TIGIT: variants seen among roughly 807,000 people sequenced by gnomAD.
The protein encoded by TIGIT is T-cell immunoreceptor with Ig and ITIM domains.
In TIGIT, 11 loss-of-function variants were observed where a neutral mutation model predicts 19.6. The ratio of observed to expected loss-of-function variants is 0.56; its 90% CI spans 0.35 to 0.93. The LOEUF (loss-of-function observed/expected upper bound fraction) is 0.93. Among genes scored for constraint, TIGIT ranks in the 40% least tolerant of loss-of-function variants. The pLI is 0.01. For synonymous variants in TIGIT, 130 were observed against 125.5 expected (o/e 1.04, Z -0.24); for missense variants, 295 against 303.9 (o/e 0.97, Z 0.22).
At chr3:114,296,597 C>G (rs995619820) in intron 2 of TIGIT, among the ~76,000 whole-genome samples, 1 of 152,170 alleles carries the variant, frequency 6.6e-6, no homozygotes, top group Non-Finnish European at 1.5e-5. Flanking sequence ...GGATTAAATT[C>G]CCTACTACAA....
chr3:114,295,671 A>G lies in TIGIT; in HGVS notation c.188A>G (p.Asp63Gly), dbSNP rs1490761203. ...ACCCAGGTCAACTGGGAGCAGCAGG[A>G]CCAGCTTCTGGCCATTTGTAATGCT... is the stretch of plus-strand genomic sequence containing the variant. ...QVTQVNWEQQ[D>G]QLLAICNADL... The change falls in exon 2 of 4, where the codon GAC (aspartate) becomes GGC (glycine). Residue 63 changes from aspartate (D) to glycine (G), a missense_variant. Transcript: ENST00000383671. 5 of 1,614,206 alleles carry G rather than the reference A, an allele frequency of 3.1e-6. No homozygotes were observed.
In TIGIT at chr3:114,299,616, G is replaced by C. The variant is rs1219504964; in HGVS notation, c.411G>C (p.Arg137Ser). Residue 137 changes from arginine (R) to serine (S), a missense_variant, in exon 3 of 4, where the codon AGG (arginine) becomes AGC (serine). Physicochemically the swap from Arg to Ser is moderately radical, Grantham distance 110. Coordinates refer to ENST00000383671, the MANE Select transcript of TIGIT (RefSeq NM_173799.4). ...CTCTAGTGGCTGAGCACGGTGCCAGGTTCCAGATTCCATTGCTTGGAGCCA... is the reference window on the plus strand; with the variant it reads ...CTCTAGTGGCTGAGCACGGTGCCAGCTTCCAGATTCCATTGCTTGGAGCCA... ...LESSVAEHGA[R>S]FQIPLLGAMA... is the part of the protein sequence containing the mutation. 4.3e-6 allele frequency: 7 copies of C among 1,613,242 alleles called. No homozygotes were observed. In the East Asian group the frequency reaches 6.7e-5, roughly 15 times the overall value.
intron 2 of TIGIT, 78 bp from the exon 3 acceptor site, chr3:114,299,519 G>C: frequency 8.8e-7 from 1 of 1,130,092 alleles, no homozygotes; most frequent in Non-Finnish European, 1.3e-6. Context: ...CCTCTCTGCC[G>C]TGAAGCTCAG....
Position 114,307,750 on chromosome 3 carries a change from A to T in TIGIT, c.499-145A>T, listed in dbSNP as rs551474490. ...AATCTAGCTGTAACGCGGTTGAGAA[A>T]TTAAGGGCTAAGGAATTGGTGTTGG... On this transcript the variant is annotated intron_variant, in intron 3 of 3. Coordinates refer to ENST00000383671, the MANE Select transcript of TIGIT (RefSeq NM_173799.4). 1.2e-5 allele frequency: 9 copies of T among 742,644 alleles called. No homozygotes were observed. In the African/African-American group the frequency reaches 1.4e-4, roughly 12 times the overall value. 46.0% of individuals were successfully genotyped at this position (742,644 alleles called of 1,614,324 possible).
At chr3:114,298,274 C>A (rs2078467983) in intron 2 of TIGIT, among the ~76,000 whole-genome samples, 1 of 152,170 alleles carries the variant, frequency 6.6e-6, no homozygotes, top group Non-Finnish European at 1.5e-5. Context: ...TTATTTCAAA[C>A]CAAAAATTCC....
Position 114,307,985 on chromosome 3 carries a change from C to G in TIGIT, c.589C>G (p.Pro197Ala), listed in dbSNP as rs1357508515. The change falls in exon 4 of 4, where the codon CCA becomes GCA. Residue 197 changes from proline to alanine, a missense_variant. Coordinates refer to ENST00000383671, the MANE Select transcript of TIGIT (RefSeq NM_173799.4). ...EEWSPSAPSP[P>A]GSCVQAEAAP... is the part of the protein sequence containing the mutation. ...ATGGAGCCCCAGTGCTCCCTCACCC[C>G]CAGGAAGCTGTGTCCAGGCAGAAGC... 12 of 1,614,052 alleles carry G rather than the reference C, an allele frequency of 7.4e-6. No homozygotes were observed. In the Middle Eastern group the frequency reaches 9.9e-4, roughly 133 times the overall value.
intron 2 of TIGIT, 84 bp downstream of exon 2, chr3:114,295,958 T>C: frequency 8.8e-7 from 1 of 1,142,000 alleles, no homozygotes; most frequent in Non-Finnish European, 1.2e-6. Flanking sequence ...CAGCAGGGCT[T>C]CTCAATTCGG....
intron 2 of TIGIT, 42 bp downstream of exon 2, chr3:114,295,916 T>C (rs368076649): frequency 6.7e-7 from 1 of 1,493,788 alleles, no homozygotes; most frequent in African/African-American, 1.4e-5. Flanking sequence ...CCTCTCCCTC[T>C]AGCATAGAAA....
chr3:114,305,637 T>C (rs1346129470), intron 3 of TIGIT, among the ~76,000 whole-genome samples: 1 of 152,046 alleles, frequency 6.6e-6, no homozygotes, highest in Non-Finnish European at 1.5e-5. Context: ...CCAAGAGCAA[T>C]TCTCCAGAGA....
intron 2 of TIGIT, among the ~76,000 whole-genome samples, chr3:114,299,012 A>T (rs2078472545): frequency 6.6e-6 from 1 of 152,332 alleles, no homozygotes; most frequent in East Asian, 1.9e-4. Context: ...GATTTCACTT[A>T]TGCCACAAAT....
chr3:114,295,785 A>T lies in TIGIT; in HGVS notation c.302A>T (p.Asn101Ile). 5 of 1,614,164 alleles carry T rather than the reference A, an allele frequency of 3.1e-6. No individual in the cohort carries two copies. Among genetic ancestry groups the T allele is most frequent in the Non-Finnish European group, 4.2e-6 (5 of 1,180,026 alleles). Residue 101 changes from asparagine (N) to isoleucine (I), a missense_variant, in exon 2 of 4, where the codon AAC (asparagine) becomes ATC (isoleucine). Transcript: ENST00000383671. ...CTCACCCTCCAGTCGCTGACCGTGAACGATACAGGGGAGTACTTCTGCATC... is the reference window on the plus strand; with the variant it reads ...CTCACCCTCCAGTCGCTGACCGTGATCGATACAGGGGAGTACTTCTGCATC... ...LGLTLQSLTV[N>I]DTGEYFCIYH...
chr3:114,296,369 C>T (rs975826449), intron 2 of TIGIT, among the ~76,000 whole-genome samples: 1 of 152,206 alleles, frequency 6.6e-6, no homozygotes, highest in Admixed American at 6.5e-5. Context: ...TCCACCTGTA[C>T]ATTTAAACCA....
intron 3 of TIGIT, among the ~76,000 whole-genome samples, chr3:114,299,906 G>A (rs2078481835): frequency 1.3e-5 from 2 of 152,100 alleles, no homozygotes. Context: ...GGGACCCCCT[G>A]GACAGCTGGA....
chr3:114,301,019 T>C lies in TIGIT; in HGVS notation c.498+1316T>C, dbSNP rs528515165. On this transcript the variant is annotated intron_variant, in intron 3 of 3. Transcript: ENST00000383671. ...ATAGAGTTGTGATGAACAAGTGGCA[T>C]ATTTCATGTAAAATCTTTATAAATA... Among the ~76,000 whole-genome samples the C allele has an allele frequency of 2.0e-5, 3 of 152,344 alleles. No homozygotes were observed. The South Asian group carries it at 6.2e-4, about 32-fold the overall frequency.
chr3:114,299,759 G>C, intron 3 of TIGIT, 56 bp downstream of exon 3: 1 of 1,156,818 alleles, frequency 8.6e-7, no homozygotes, highest in South Asian at 1.3e-5. Flanking sequence ...TGGCACCCGG[G>C]TCCTTTCAGG....
chr3:114,304,947 C>T (rs1369236751), intron 3 of TIGIT, among the ~76,000 whole-genome samples: 1 of 152,182 alleles, frequency 6.6e-6, no homozygotes, highest in East Asian at 1.9e-4. Flanking sequence ...TCTTTAAAGT[C>T]CTGTCCCTCT....
rs201538912 is a variant in TIGIT at position 114,303,628 on chromosome 3, T to TAC, written c.498+3926_498+3927insCA. ...ATATATATACATATATATGTATATA[T>TAC]ATACACACACACACACACACACACA... On this transcript the variant is annotated intron_variant, in intron 3 of 3. Transcript: ENST00000383671. Among the ~76,000 whole-genome samples, 5 of 69,088 alleles carry TAC rather than the reference T, an allele frequency of 7.2e-5. 1 individual carries two copies. The highest frequency in any genetic ancestry group is 2.0e-4 in the African/African-American group (5 of 24,486). The allele number at this position is 69,088 out of a possible 152,430, so 45.3% of individuals were successfully genotyped here.
In TIGIT at chr3:114,306,114, G is replaced by A. The variant is rs1011913682; in HGVS notation, c.499-1781G>A. ...CCCAGGGTCAGGAGCACTGGTTTAA[G>A]TCCTGGAGTCCGAAAGCCAGGGAGC... On this transcript the variant is annotated intron_variant, in intron 3 of 3. Transcript: ENST00000383671. Among the ~76,000 whole-genome samples the A allele has an allele frequency of 1.1e-4, 16 of 152,270 alleles. No individual in the cohort carries two copies. The Middle Eastern group carries it at 0.01, about 97-fold the overall frequency.
chr3:114,300,100 C>T (rs2078482990), intron 3 of TIGIT, among the ~76,000 whole-genome samples: 2 of 152,154 alleles, frequency 1.3e-5, no homozygotes, highest in Admixed American at 6.5e-5. Flanking sequence ...GCTAGGTTAC[C>T]CAGCATGTCT....
Sources: allele counts gnomAD v4.1 joint callset (sites outside exome capture counted in the v4.1 genomes callset), GRCh38; gene constraint gnomAD v4.1.1; transcripts MANE v1.5; gene names NCBI Gene and HGNC (gene_info 2026-07-23, HGNC 2026-07-21).